Variants in ATP7A observed in about 807,000 individuals in gnomAD.
ATP7A encodes ATPase copper transporting alpha.
ATP7A carries 7 observed loss-of-function variants against 83.5 expected under a neutral mutation model. The ratio of observed to expected loss-of-function variants is 0.08; its 90% confidence interval spans 0.05 to 0.16. The LOEUF (loss-of-function observed/expected upper bound fraction) is 0.16, where lower values mean the gene tolerates loss of function less well. Ranked by LOEUF, ATP7A falls within the 10% of genes least tolerant of loss-of-function variation. ATP7A has a pLI of 1.00. For synonymous variants in ATP7A, 354 were observed against 395.2 expected (o/e 0.90, Z 1.24); for missense variants, 940 against 1,120.8 (o/e 0.84, Z 2.30).
chrX:77,950,552 T>G (rs781957184), intron 1 of ATP7A, among the ~76,000 whole-genome samples: 64 of 112,112 alleles, frequency 5.7e-4, no homozygotes, highest in African/African-American at 1.5e-3. Flanking sequence ...ATGAGGTATC[T>G]TAGCTGTTTT....
At position 77,988,403 on chromosome X, in the gene ATP7A, G is replaced by A. The variant is rs370700841; in HGVS notation, c.282G>A (p.Ala94=). 51 of 1,209,631 alleles carry A rather than the reference G, an allele frequency of 4.2e-5. No individual in the cohort carries two copies. The African/African-American group carries it at 7.0e-4, about 17-fold the overall frequency. Residue 94 remains alanine (A), a synonymous_variant, in exon 3 of 23, where the codon GCG becomes GCA. Coordinates refer to ENST00000341514, the MANE Select transcript of ATP7A (RefSeq NM_000052.7). ...ACACCTTGTTTCTGACTGTTACGGC[G>A]TCACTGACTTTGCCATGGGACCATA... ...LTDTLFLTVT[A]SLTLPWDHIQ... is the part of the protein sequence containing the mutation.
At chrX:77,929,923 G>A (rs782115952) in intron 1 of ATP7A, among the ~76,000 whole-genome samples, 15 of 112,054 alleles carry the variant, frequency 1.3e-4, no homozygotes, top group Admixed American at 2.8e-4. Flanking sequence ...TTTAGCTCTC[G>A]TCCTTCACAA....
chrX:78,031,564 A>T lies in ATP7A; in HGVS notation c.3276A>T (p.Ile1092=), dbSNP rs1354302324. Residue 1092 remains isoleucine, a synonymous_variant, in exon 16 of 23, where the codon ATA becomes ATT. Coordinates refer to ENST00000341514, the MANE Select transcript of ATP7A (RefSeq NM_000052.7). ...SNSEHPLGTA[I]TKYCKQELDT... is the part of the protein sequence containing the mutation. The stretch of plus-strand genomic sequence containing the variant: ...GTGAACACCCTCTAGGAACAGCCAT[A>T]ACCAAATATTGCAAACAGGTACATT... 8.3e-7 allele frequency: 1 copy of T among 1,209,252 alleles called. No individual in the cohort carries two copies. Among genetic ancestry groups the T allele is most frequent in the Non-Finnish European group, 1.1e-6 (1 of 894,427 alleles).
At chrX:77,995,805 A>G (rs1557232484) in intron 4 of ATP7A, among the ~76,000 whole-genome samples, 1 of 110,601 alleles carries the variant, frequency 9.0e-6, no homozygotes, top group African/African-American at 3.3e-5. Flanking sequence ...GTGCAGTGGC[A>G]CAATCTTGGC....
At chrX:78,032,395 C>T (rs183244055) in intron 16 of ATP7A, among the ~76,000 whole-genome samples, 17 of 111,834 alleles carry the variant, frequency 1.5e-4, no homozygotes, top group African/African-American at 5.2e-4. Context: ...TACCAATACC[C>T]ATATGATGAA....
At chrX:77,978,998 A>C (rs1437240197) in intron 2 of ATP7A, among the ~76,000 whole-genome samples, 2 of 109,881 alleles carry the variant, frequency 1.8e-5, no homozygotes, top group African/African-American at 6.6e-5. Context: ...TGCCCGGCTA[A>C]TTTTTGTATT....
intron 1 of ATP7A, among the ~76,000 whole-genome samples, chrX:77,953,512 C>T (rs1342445650): frequency 8.9e-6 from 1 of 111,832 alleles, no homozygotes; most frequent in Non-Finnish European, 1.9e-5. Context: ...TTCTACTTCC[C>T]CCTACCTTCC....
chrX:78,030,607 A>G (rs977185331), intron 15 of ATP7A, among the ~76,000 whole-genome samples: 14 of 110,463 alleles, frequency 1.3e-4, no homozygotes, highest in African/African-American at 4.6e-4. Flanking sequence ...CAGTTTCCTC[A>G]GTTGTCTCAA....
chrX:78,039,971 G>A (rs1185610395), intron 18 of ATP7A, among the ~76,000 whole-genome samples: 1 of 111,216 alleles, frequency 9.0e-6, no homozygotes, highest in Non-Finnish European at 1.9e-5. Flanking sequence ...CTTTGAGGTT[G>A]TATGTGCTTT....
intron 1 of ATP7A, among the ~76,000 whole-genome samples, chrX:77,917,351 G>A (rs929310856): frequency 9.0e-6 from 1 of 111,132 alleles, no homozygotes; most frequent in Middle Eastern, 4.2e-3. Flanking sequence ...GAGGGTTTGG[G>A]GCTTTGGGGT....
chrX:77,991,559 A>G (rs1407098777), intron 4 of ATP7A, among the ~76,000 whole-genome samples: 3 of 111,441 alleles, frequency 2.7e-5, no homozygotes, highest in East Asian at 5.6e-4. Context: ...GTATGAACAT[A>G]TGTTTTTATT....
chrX:78,010,569 G>C (rs2077812537), intron 7 of ATP7A, among the ~76,000 whole-genome samples: 1 of 81,132 alleles, frequency 1.2e-5, no homozygotes, highest in Admixed American at 1.5e-4. Context: ...TATGGTGCTA[G>C]CTTTTTTTTT....
At chrX:77,998,856 TAGATA>T (rs2077721158) in intron 5 of ATP7A, among the ~76,000 whole-genome samples, 172 bp downstream of exon 5, 1 of 111,153 alleles carries the variant, frequency 9.0e-6, no homozygotes. Context: ...TTTGCTGCCT[TAGATA>T]AAGTTCCTCT....
chrX:77,942,846 T>C (rs2077359029), intron 1 of ATP7A, among the ~76,000 whole-genome samples: 1 of 111,859 alleles, frequency 8.9e-6, no homozygotes, highest in African/African-American at 3.3e-5. Context: ...TCTTGCTCTG[T>C]CACCCAGGCT....
intron 2 of ATP7A, among the ~76,000 whole-genome samples, chrX:77,987,811 T>C (rs2077647342): frequency 9.0e-6 from 1 of 111,696 alleles, no homozygotes; most frequent in Non-Finnish European, 1.9e-5. Flanking sequence ...ATACATATTT[T>C]TAGGAAATTG....
chrX:78,025,019 C>T (rs782757535), intron 14 of ATP7A, among the ~76,000 whole-genome samples: 15 of 111,355 alleles, frequency 1.3e-4, no homozygotes, highest in Non-Finnish European at 2.1e-4. Flanking sequence ...TAAGATAAGT[C>T]CACAGGGACC....
In ATP7A at chrX:78,033,700, A is replaced by G; in HGVS notation, c.3390A>G (p.Leu1130=). The G allele has an allele frequency of 1.7e-6, 2 of 1,210,215 alleles. No homozygotes were observed. Residue 1130 remains leucine (L), a synonymous_variant, in exon 17 of 23, where the codon CTA becomes CTG. Coordinates refer to ENST00000341514, the MANE Select transcript of ATP7A (RefSeq NM_000052.7). ...SCKVTNIEGL[L]HKNNWNIEDN... is the part of the protein sequence containing the mutation. ...AAGTCACCAATATTGAAGGCTTGCT[A>G]CATAAGAATAACTGGAATATAGAGG...
chrX:77,976,511 C>T (rs2077577566), intron 2 of ATP7A, among the ~76,000 whole-genome samples: 1 of 111,700 alleles, frequency 9.0e-6, no homozygotes, highest in Non-Finnish European at 1.9e-5. Context: ...ATTAGCCCAT[C>T]ATTACTCTCT....
chrX:77,934,457 C>A (rs1003648513), intron 1 of ATP7A, among the ~76,000 whole-genome samples: 14 of 111,645 alleles, frequency 1.3e-4, no homozygotes, highest in African/African-American at 4.6e-4. Flanking sequence ...TCTTCTGCCT[C>A]ATTAACAATG....
Sources: gnomAD v4.1 joint callset for allele counts (sites outside exome capture counted in the v4.1 genomes callset) on GRCh38, gnomAD v4.1.1 for gene constraint, MANE v1.5 for transcripts, NCBI Gene and HGNC (gene_info 2026-07-23, HGNC 2026-07-21) for gene names.